Variants in DENND4C observed in about 807,000 individuals in gnomAD.
DENND4C encodes the protein DENN domain containing 4C.
A neutral mutation model predicts 203.0 loss-of-function variants in DENND4C; 108 were observed. That is an observed-to-expected ratio of 0.53 (90% confidence interval 0.46 to 0.62). DENND4C has a LOEUF of 0.62. Ranked by LOEUF, DENND4C falls within the 20% of genes least tolerant of loss-of-function variation. The probability of loss-of-function intolerance (pLI) is 0.00; values close to 1 mark genes in which losing one functional copy is unlikely to be tolerated. For missense variants in DENND4C, 2,481 were observed against 2,301.2 expected (o/e 1.08, Z -1.60); for synonymous variants, 871 against 792.4 (o/e 1.10, Z -1.67).
intron 9 of DENND4C, among the ~76,000 whole-genome samples, chr9:19,303,573 A>T (rs1386133799): frequency 1.3e-5 from 2 of 152,216 alleles, no homozygotes; most frequent in African/African-American, 4.8e-5. Context: ...GAGGAGAGTG[A>T]TCTCTTTCAT....
chr9:19,332,852 G>C (rs1819575368), intron 17 of DENND4C, among the ~76,000 whole-genome samples: 1 of 146,138 alleles, frequency 6.8e-6, no homozygotes, highest in Non-Finnish European at 1.5e-5. Flanking sequence ...CCCCCACCTT[G>C]GCCTCCCAAA....
rs1007054979 is a variant in DENND4C at position 19,332,133 on chromosome 9, A to T, written c.2409A>T (p.Ala803=). ...SHPKVRALQQ[A]YDVLIKMRKT... is the part of the protein sequence containing the mutation. The stretch of plus-strand genomic sequence containing the variant: ...CTAAAGTCAGAGCACTTCAGCAGGC[A>T]TATGATGTACTTATTAAGATGAGGA... The change falls in exon 17 of 33, where the codon GCA becomes GCT. Residue 803 remains alanine, a synonymous_variant. Coordinates refer to ENST00000434457, the MANE Select transcript of DENND4C (RefSeq NM_001330640.2). 7 of 1,613,932 alleles carry T rather than the reference A, an allele frequency of 4.3e-6. No homozygotes were observed. The Admixed American group carries it at 6.7e-5, about 15-fold the overall frequency.
At position 19,354,695 on chromosome 9, in the gene DENND4C, A is replaced by G. The variant is rs184516125; in HGVS notation, c.4781+2030A>G. On this transcript the variant is annotated intron_variant, in intron 26 of 32. Transcript: ENST00000434457. ...GCCTCCCGAGTAGCTGGGAGTGCCC[A>G]CCACCATGCCCAGCTAATTTTTGTA... 4.7e-5 allele frequency among the ~76,000 whole-genome samples: 7 copies of G among 150,128 alleles called. No individual in the cohort carries two copies. In the East Asian group the frequency reaches 1.4e-3, roughly 30 times the overall value.
intron 17 of DENND4C, among the ~76,000 whole-genome samples, chr9:19,334,104 G>A (rs1390987252): frequency 1.3e-5 from 2 of 152,124 alleles, no homozygotes; most frequent in African/African-American, 2.4e-5. Flanking sequence ...GCATGCAGTG[G>A]CGCAGTCTTG....
chr9:19,362,597 C>T (rs987694719), intron 30 of DENND4C, among the ~76,000 whole-genome samples: 2 of 151,734 alleles, frequency 1.3e-5, no homozygotes, highest in Non-Finnish European at 2.9e-5. Context: ...GTTTTACTGA[C>T]CTGTTTTTTA....
At chr9:19,275,096 G>C (rs938827752) in intron 1 of DENND4C, among the ~76,000 whole-genome samples, 13 of 151,988 alleles carry the variant, frequency 8.6e-5, no homozygotes, top group Non-Finnish European at 7.4e-5. Context: ...TCCTGCCTCA[G>C]CCTCCCGAGT....
At chr9:19,243,415 C>T (rs1033910566) in intron 1 of DENND4C, among the ~76,000 whole-genome samples, 2 of 152,100 alleles carry the variant, frequency 1.3e-5, no homozygotes, top group African/African-American at 4.8e-5. Context: ...CAGTGGTGTT[C>T]GGCACATTCA....
At chr9:19,328,693 ATCTG>A (rs772987882) in intron 16 of DENND4C, among the ~76,000 whole-genome samples, 74 of 150,864 alleles carry the variant, frequency 4.9e-4, no homozygotes, top group African/African-American at 9.7e-4. Context: ...CTATCTATCT[ATCTG>A]TCTATCTATC....
chr9:19,320,075 A>T (rs2131609581), intron 12 of DENND4C, among the ~76,000 whole-genome samples: 1 of 152,352 alleles, frequency 6.6e-6, no homozygotes, highest in African/African-American at 2.4e-5. Flanking sequence ...TAAGCCACAT[A>T]TAAAATTTTA....
Position 19,346,547 on chromosome 9 carries a change from T to C in DENND4C, c.3778T>C (p.Cys1260Arg). The C allele has an allele frequency of 6.2e-7, 1 of 1,614,148 alleles. No individual in the cohort carries two copies. Among genetic ancestry groups the C allele is most frequent in the Middle Eastern group, 1.6e-4 (1 of 6,062 alleles). ...LDPLSLLATE[C>R]TGGKTPDSED... Reference sequence around the variant, plus strand: ...TCCTTTGTCTCTTTTAGCCACTGAATGTACAGGAGGAAAAACTCCTGATTC... The same window carrying C: ...TCCTTTGTCTCTTTTAGCCACTGAACGTACAGGAGGAAAAACTCCTGATTC... Residue 1260 changes from cysteine to arginine, a missense_variant, in exon 23 of 33, where the codon TGT becomes CGT. This residue lies in a region of DENND4C where 2,289 missense variants were observed against 2,113.3 expected (regional missense o/e 1.08). Transcript: ENST00000434457.
intron 30 of DENND4C, among the ~76,000 whole-genome samples, chr9:19,363,057 A>G (rs1826829689): frequency 6.6e-6 from 1 of 152,228 alleles, no homozygotes; most frequent in South Asian, 2.1e-4. Context: ...TCTAAAATCT[A>G]GAAAGGGATC....
intron 1 of DENND4C, among the ~76,000 whole-genome samples, chr9:19,263,673 A>G (rs1215714118): frequency 7.3e-6 from 1 of 137,536 alleles, no homozygotes; most frequent in Non-Finnish European, 1.6e-5. Context: ...TTTTTTTTTA[A>G]GACAGAATCT....
At position 19,372,898 on chromosome 9, in the gene DENND4C, G is replaced by GTAAGTT. The variant is rs1829082069; in HGVS notation, c.*727_*732dup. 1 of 150,110 alleles carries GTAAGTT rather than the reference G, an allele frequency of 6.7e-6. No individual in the cohort carries two copies. 9.3% of individuals were successfully genotyped at this position (150,110 alleles called of 1,614,324 possible). ...AAAAAAAAGAGAGCAACATATTTGT[G>GTAAGTT]TAAGTTTGTATATGTGTAGGGCTGT... is the stretch of plus-strand genomic sequence containing the variant. On this transcript the variant is annotated 3_prime_UTR_variant, in exon 33 of 33. Coordinates refer to ENST00000434457, the MANE Select transcript of DENND4C (RefSeq NM_001330640.2).
At chr9:19,327,904 T>C (rs2131719338) in intron 15 of DENND4C, 126 bp from the exon 16 acceptor site, 1 of 921,154 alleles carries the variant, frequency 1.1e-6, no homozygotes, top group Non-Finnish European at 1.5e-6. Context: ...AAGTATTTTT[T>C]CTATATAAGC....
intron 1 of DENND4C, among the ~76,000 whole-genome samples, chr9:19,253,137 A>C (rs1588747087): frequency 6.6e-6 from 1 of 152,182 alleles, no homozygotes; most frequent in South Asian, 2.1e-4. Flanking sequence ...TGGACTTCTT[A>C]ATGTTTAGAA....
Position 19,328,087 on chromosome 9 carries a change from A to G in DENND4C, c.2178A>G (p.Lys726=), listed in dbSNP as rs1258530700. The change falls in exon 16 of 33, where the codon AAA becomes AAG. Residue 726 remains lysine, a synonymous_variant. Transcript: ENST00000434457. ...TTTTTGACAGACCGCAGGAGTTGAA[A>G]CTTTGTTTTAGTAGACACCCTACTG... The part of the protein sequence containing the change: ...LKLFDRPQEL[K]LCFSRHPTGN... 1.2e-6 allele frequency: 2 copies of G among 1,613,780 alleles called. No homozygotes were observed. The highest frequency in any genetic ancestry group is 3.3e-5 in the Admixed American group (2 of 60,010).
At chr9:19,340,347 C>G (rs1821324920) in intron 20 of DENND4C, among the ~76,000 whole-genome samples, 1 of 152,150 alleles carries the variant, frequency 6.6e-6, no homozygotes, top group Non-Finnish European at 1.5e-5. Flanking sequence ...ATAATGTGTT[C>G]AAAGTTACTT....
chr9:19,264,888 T>A (rs751497910), intron 1 of DENND4C, among the ~76,000 whole-genome samples: 4 of 152,180 alleles, frequency 2.6e-5, no homozygotes, highest in Non-Finnish European at 5.9e-5. Context: ...GGTTGTTTAT[T>A]TGAAGTTTTT....
At position 19,373,857 on chromosome 9, in the gene DENND4C, T is replaced by TATTGTACC. The variant is rs1339437413; in HGVS notation, c.*1686_*1693dup. Among the ~76,000 whole-genome samples the TATTGTACC allele has an allele frequency of 6.6e-6, 1 of 152,232 alleles. No individual in the cohort carries two copies. The highest frequency in any genetic ancestry group is 2.4e-5 in the African/African-American group (1 of 41,466). ...GATGTAACCATTTACAAATTATAGT[T>TATTGTACC]ATTGTACCAGTCTTTCAACATTTCA... is the stretch of plus-strand genomic sequence containing the variant. On this transcript the variant is annotated 3_prime_UTR_variant, in exon 33 of 33. Transcript: ENST00000434457.
Sources: allele counts gnomAD v4.1 joint callset (sites outside exome capture counted in the v4.1 genomes callset), GRCh38; gene constraint gnomAD v4.1.1; regional missense constraint gnomAD v4.1.1; transcripts MANE v1.5; gene names NCBI Gene and HGNC (gene_info 2026-07-23, HGNC 2026-07-21).